TEX26: variants seen among roughly 807,000 people sequenced by gnomAD.
TEX26 encodes the protein testis expressed 26.
In TEX26, 34 loss-of-function variants were observed where a neutral mutation model predicts 35.3. The ratio of observed to expected loss-of-function variants is 0.96; its 90% CI spans 0.73 to 1.28. The LOEUF (loss-of-function observed/expected upper bound fraction) is 1.28. TEX26 is among the 50% of genes most tolerant of loss of function. The pLI is 0.00. For missense variants in TEX26, 371 were observed against 330.1 expected (o/e 1.12, Z -0.96); for synonymous variants, 136 against 111.8 (o/e 1.22, Z -1.36).
intron 1 of TEX26, chr13:30,933,046 G>A (rs1055617823): frequency 2.7e-6 from 1 of 371,324 alleles, no homozygotes; most frequent in Non-Finnish European, 4.9e-6. Flanking sequence ...GGCTAAGAGG[G>A]GACAGGAAAA....
intron 1 of TEX26, among the ~76,000 whole-genome samples, chr13:30,935,222 G>A (rs890875101): frequency 6.6e-6 from 1 of 152,236 alleles, no homozygotes; most frequent in African/African-American, 2.4e-5. Context: ...TTGGGACCAA[G>A]CCCCAGGGCT....
chr13:30,959,432 C>G (rs1042241201), intron 4 of TEX26, among the ~76,000 whole-genome samples: 3 of 152,182 alleles, frequency 2.0e-5, no homozygotes, highest in Non-Finnish European at 2.9e-5. Flanking sequence ...TCCTATAACT[C>G]TGTCTCACTG....
At chr13:30,974,534 G>T (rs1048117742) in intron 6 of TEX26, among the ~76,000 whole-genome samples, 1 of 152,162 alleles carries the variant, frequency 6.6e-6, no homozygotes, top group Non-Finnish European at 1.5e-5. Context: ...AACTGAGGAA[G>T]TGGAGAGGTT....
intron 2 of TEX26, among the ~76,000 whole-genome samples, chr13:30,945,209 CT>C (rs985800503): frequency 2.0e-5 from 3 of 150,482 alleles, no homozygotes; most frequent in Admixed American, 1.3e-4. Context: ...CTTTCTTTGT[CT>C]TTTTTTTTAC....
rs377047925 is a variant in TEX26 at position 30,932,676 on chromosome 13, T to C, written c.-40T>C. The C allele has an allele frequency of 1.8e-4, 282 of 1,603,928 alleles. No individual in the cohort carries two copies. Among genetic ancestry groups the C allele is most frequent in the Non-Finnish European group, 2.3e-4 (265 of 1,175,946 alleles). Reference sequence around the variant, plus strand: ...CCCGCGGCTCCCGCAAGCGCTGAGATAGCTGGAGCCAGGGCCCCGCGGCCG... The same window carrying C: ...CCCGCGGCTCCCGCAAGCGCTGAGACAGCTGGAGCCAGGGCCCCGCGGCCG... On this transcript the variant is annotated 5_prime_UTR_variant, in exon 1 of 7. Transcript: ENST00000380473.
Position 30,969,115 on chromosome 13 carries a change from C to A in TEX26, c.808+69C>A, listed in dbSNP as rs532218633. ...TTGCTTTTGCCAAATAGAAACTGTTCCAAGTTCTAGCCACTGGAGTTGAAT... is the reference window on the plus strand; with the variant it reads ...TTGCTTTTGCCAAATAGAAACTGTTACAAGTTCTAGCCACTGGAGTTGAAT... On this transcript the variant is annotated intron_variant, in intron 6 of 6. Coordinates refer to ENST00000380473, the MANE Select transcript of TEX26 (RefSeq NM_152325.3). The A allele has an allele frequency of 3.5e-4, 491 of 1,404,756 alleles. 1 individual carries two copies. In the Middle Eastern group the frequency reaches 3.9e-3, roughly 11 times the overall value. 87.0% of individuals were successfully genotyped at this position (1,404,756 alleles called of 1,614,324 possible). A position where few individuals can be genotyped will look rare whatever the true frequency, so the allele number is the denominator to read the frequency against.
At chr13:30,935,915 T>G (rs1038453357) in intron 1 of TEX26, among the ~76,000 whole-genome samples, 39 of 152,244 alleles carry the variant, frequency 2.6e-4, no homozygotes, top group African/African-American at 8.4e-4. Flanking sequence ...AATGCTAGCT[T>G]GTGGCCTCAT....
intron 4 of TEX26, among the ~76,000 whole-genome samples, chr13:30,962,982 C>T (rs1954401615): frequency 6.8e-6 from 1 of 147,890 alleles, no homozygotes; most frequent in African/African-American, 2.7e-5. Flanking sequence ...GCCACCATGC[C>T]CAGCTAATTT....
intron 6 of TEX26, among the ~76,000 whole-genome samples, chr13:30,970,639 C>T (rs1199084354): frequency 6.6e-6 from 1 of 152,222 alleles, no homozygotes; most frequent in Non-Finnish European, 1.5e-5. Flanking sequence ...TTTGTCTTCC[C>T]TAAGCAGATG....
intron 1 of TEX26, among the ~76,000 whole-genome samples, chr13:30,938,852 C>T (rs1049105490): frequency 6.6e-6 from 1 of 152,184 alleles, no homozygotes; most frequent in Admixed American, 6.5e-5. Context: ...CCTTCTCTCT[C>T]CAAATTCTTG....
chr13:30,953,594 A>C (rs749961882), intron 3 of TEX26, among the ~76,000 whole-genome samples: 31 of 152,152 alleles, frequency 2.0e-4, no homozygotes, highest in Non-Finnish European at 4.0e-4. Context: ...CTTGTGTTTC[A>C]TACGCTCTCA....
At chr13:30,961,550 G>A (rs929676126) in intron 4 of TEX26, among the ~76,000 whole-genome samples, 2 of 151,866 alleles carry the variant, frequency 1.3e-5, no homozygotes, top group African/African-American at 4.8e-5. Context: ...CTAAAAAAAT[G>A]TGTTAACATT....
At chr13:30,941,582 T>G (rs1953513452) in intron 2 of TEX26, among the ~76,000 whole-genome samples, 1 of 152,184 alleles carries the variant, frequency 6.6e-6, no homozygotes, top group South Asian at 2.1e-4. Context: ...GATTTTAGGG[T>G]ACCCGTAACT....
At chr13:30,959,891 G>T (rs1954273089) in intron 4 of TEX26, among the ~76,000 whole-genome samples, 1 of 152,188 alleles carries the variant, frequency 6.6e-6, no homozygotes. Context: ...GGAATAAAGA[G>T]ATCTTAAGTG....
At position 30,945,713 on chromosome 13, in the gene TEX26, TA is replaced by T. The variant is rs545366683; in HGVS notation, c.146+5941del. ...GTTTATAAATCTTAGTTTTTCTGGA[TA>T]AAAAATTCTAGGTTGAGAGTTATTC... On this transcript the variant is annotated intron_variant, in intron 2 of 6. Transcript: ENST00000380473. 1.2e-3 allele frequency among the ~76,000 whole-genome samples: 187 copies of T among 152,084 alleles called. 1 individual carries two copies. Among genetic ancestry groups the T allele is most frequent in the African/African-American group, 4.3e-3 (178 of 41,554 alleles).
At chr13:30,946,945 T>C (rs1056607499) in intron 2 of TEX26, among the ~76,000 whole-genome samples, 2 of 152,134 alleles carry the variant, frequency 1.3e-5, no homozygotes, top group Non-Finnish European at 2.9e-5. Flanking sequence ...CATTTCTTTC[T>C]CTTCTTGAAC....
intron 4 of TEX26, among the ~76,000 whole-genome samples, chr13:30,958,500 G>A (rs759902447): frequency 6.3e-4 from 96 of 152,106 alleles, no homozygotes; most frequent in Non-Finnish European, 1.3e-3. Context: ...GCTGAGGAAG[G>A]CTGGCTGCCC....
intron 2 of TEX26, 77 bp downstream of exon 2, chr13:30,939,855 A>T (rs1250203933): frequency 1.5e-6 from 2 of 1,295,062 alleles, no homozygotes; most frequent in Admixed American, 1.9e-5. Flanking sequence ...GAATCCAAAC[A>T]CATAGACAGT....
intron 5 of TEX26, among the ~76,000 whole-genome samples, chr13:30,968,255 G>A (rs1354619296): frequency 6.6e-6 from 1 of 152,182 alleles, no homozygotes; most frequent in African/African-American, 2.4e-5. Context: ...GGTTATGGGA[G>A]GGGGAGAAGA....
Sources: allele counts gnomAD v4.1 joint callset (sites outside exome capture counted in the v4.1 genomes callset), GRCh38; gene constraint gnomAD v4.1.1; transcripts MANE v1.5; gene names NCBI Gene and HGNC (gene_info 2026-07-23, HGNC 2026-07-21).